The following ADD3 variants were observed in gnomAD, a reference collection of about 807,000 sequenced individuals.
ADD3 encodes the protein adducin 3, also known as gamma-adducin.
ADD3 carries 25 observed loss-of-function variants against 80.2 expected under a neutral mutation model. That is an observed-to-expected ratio of 0.31 (90% CI 0.23 to 0.44). The LOEUF is 0.44. ADD3 is among the 20% of genes least tolerant of loss of function. The pLI is 1.00. For synonymous variants in ADD3, 284 were observed against 289.6 expected (o/e 0.98, Z 0.20); for missense variants, 829 against 847.5 (o/e 0.98, Z 0.27).
chr10:110,056,365 G>A (rs1405733750), intron 1 of ADD3, among the ~76,000 whole-genome samples: 1 of 152,010 alleles, frequency 6.6e-6, no homozygotes, highest in Non-Finnish European at 1.5e-5. Context: ...TTAATTTTAG[G>A]CTTAAACATA....
intron 1 of ADD3, among the ~76,000 whole-genome samples, chr10:110,033,229 A>G (rs763075234): frequency 4.6e-5 from 7 of 152,370 alleles, no homozygotes; most frequent in Middle Eastern, 6.8e-3. Flanking sequence ...ATGGTCTTCA[A>G]CTTCTGACCA....
chr10:110,054,136 G>A lies in ADD3; in HGVS notation c.-30+45837G>A, dbSNP rs535715153. On this transcript the variant is annotated intron_variant, in intron 1 of 14. Coordinates refer to ENST00000356080, the MANE Select transcript of ADD3 (RefSeq NM_016824.5). ...TTAAAAGTATGAACAATAAAGTTTC[G>A]TTTATATATGCTGAGAATGTGTGAA... 1.2e-4 allele frequency among the ~76,000 whole-genome samples: 18 copies of A among 152,234 alleles called. No individual in the cohort carries two copies. The South Asian group carries it at 2.3e-3, about 19-fold the overall frequency.
At chr10:110,048,444 G>C (rs1857140658) in intron 1 of ADD3, among the ~76,000 whole-genome samples, 2 of 152,196 alleles carry the variant, frequency 1.3e-5, no homozygotes, top group Non-Finnish European at 2.9e-5. Flanking sequence ...CTCAGAAGAA[G>C]ACAGGAAAAT....
At chr10:110,081,993 G>A (rs1846110962) in intron 1 of ADD3, among the ~76,000 whole-genome samples, 1 of 152,210 alleles carries the variant, frequency 6.6e-6, no homozygotes. Flanking sequence ...TTAAACGAGA[G>A]AAGGGGAAGT....
At chr10:110,085,123 A>G (rs919858687) in intron 1 of ADD3, among the ~76,000 whole-genome samples, 1 of 152,132 alleles carries the variant, frequency 6.6e-6, no homozygotes, top group Non-Finnish European at 1.5e-5. Context: ...ATATCAATGT[A>G]TACATACATT....
chr10:110,082,237 T>TG (rs1846150715), intron 1 of ADD3, among the ~76,000 whole-genome samples: 2 of 118,176 alleles, frequency 1.7e-5, no homozygotes, highest in South Asian at 3.0e-4. Flanking sequence ...AGTATCACTC[T>TG]AAAAAAAAAC....
chr10:110,086,553 G>A (rs1846781408), intron 1 of ADD3, among the ~76,000 whole-genome samples: 1 of 152,150 alleles, frequency 6.6e-6, no homozygotes, highest in South Asian at 2.1e-4. Flanking sequence ...TAATGGTTTA[G>A]TACCATCCCC....
intron 1 of ADD3, among the ~76,000 whole-genome samples, chr10:110,058,231 T>C (rs1460301192): frequency 3.3e-5 from 5 of 152,162 alleles, no homozygotes; most frequent in African/African-American, 1.2e-4. Flanking sequence ...ACTCTGTCTC[T>C]CCTTTTTTCA....
chr10:110,030,087 G>A (rs1327286095), intron 1 of ADD3, among the ~76,000 whole-genome samples: 1 of 152,112 alleles, frequency 6.6e-6, no homozygotes, highest in East Asian at 1.9e-4. Flanking sequence ...ACTTTGGGAG[G>A]CCGAGGTGGG....
chr10:110,128,626 CCA>C (rs1023865527), intron 12 of ADD3, among the ~76,000 whole-genome samples: 119 of 152,170 alleles, frequency 7.8e-4, no homozygotes, highest in African/African-American at 2.7e-3. Flanking sequence ...ACCGCGTTAG[CCA>C]GGATGGTTTC....
chr10:110,036,210 T>C (rs1023402194), intron 1 of ADD3, among the ~76,000 whole-genome samples: 5 of 152,076 alleles, frequency 3.3e-5, no homozygotes, highest in South Asian at 4.2e-4. Flanking sequence ...TCTTTTCTTA[T>C]TAGCTTTTCC....
intron 1 of ADD3, among the ~76,000 whole-genome samples, chr10:110,028,514 G>A (rs563280806): frequency 5.0e-4 from 76 of 152,234 alleles, no homozygotes; most frequent in African/African-American, 1.8e-3. Flanking sequence ...GCAGTGAGCC[G>A]ACATCATGCC....
At chr10:110,044,339 T>C (rs967151242) in intron 1 of ADD3, among the ~76,000 whole-genome samples, 5 of 152,246 alleles carry the variant, frequency 3.3e-5, no homozygotes, top group Non-Finnish European at 7.3e-5. Flanking sequence ...TCTTCTGGCC[T>C]ATTAGACCAT....
At position 110,008,237 on chromosome 10, in the gene ADD3, T is replaced by G. The variant is rs1564830075; in HGVS notation, c.-92T>G. The G allele has an allele frequency of 6.6e-6, 1 of 152,192 alleles. No homozygotes were observed. The highest frequency in any genetic ancestry group is 6.5e-5 in the Admixed American group (1 of 15,288). The allele number at this position is 152,192 out of a possible 1,614,324, so 9.4% of individuals were successfully genotyped here. ...CCGCAGCGGCGGATCCGGCGGCTGC[T>G]GCAGCCCGGGCGGCTGCCGAGAAGG... On this transcript the variant is annotated 5_prime_UTR_variant, in exon 1 of 15. Transcript: ENST00000356080.
At chr10:110,013,880 G>A (rs1852619462) in intron 1 of ADD3, among the ~76,000 whole-genome samples, 1 of 152,194 alleles carries the variant, frequency 6.6e-6, no homozygotes, top group South Asian at 2.1e-4. Flanking sequence ...AAGCAATCAG[G>A]TTGGAGAAGT....
rs373897451 is a variant in ADD3, at chr10:110,132,334, G to T, written c.1762G>T (p.Ala588Ser). ...TGAGCAGGAATTACTCTCAGATGAC[G>T]CTTCATCTGTTTCACAAATTCAGTC... is the stretch of plus-strand genomic sequence containing the variant. Reference protein sequence around the residue: ...DAEQELLSDDASSVSQIQSQT... With the variant: ...DAEQELLSDDSSSVSQIQSQT... Residue 588 changes from alanine to serine, a missense_variant, in exon 14 of 15, where the codon GCT becomes TCT. By Grantham distance (99) the Ala-to-Ser change is moderately conservative. Coordinates refer to ENST00000356080, the MANE Select transcript of ADD3 (RefSeq NM_016824.5). The T allele has an allele frequency of 5.6e-6, 9 of 1,613,634 alleles. No homozygotes were observed. The South Asian group carries it at 9.9e-5, about 18-fold the overall frequency.
chr10:110,005,368 A>AT (rs1564825181), upstream of ADD3, among the ~76,000 whole-genome samples: 9 of 152,248 alleles, frequency 5.9e-5, no homozygotes, highest in South Asian at 1.7e-3. Context: ...CAATATTGTG[A>AT]TTTTTTATAT....
chr10:110,111,692 G>A (rs1032197601), intron 2 of ADD3, among the ~76,000 whole-genome samples: 7 of 152,146 alleles, frequency 4.6e-5, no homozygotes, highest in African/African-American at 1.7e-4. Context: ...GAGGTGGGCG[G>A]ATCACCTGAG....
intron 1 of ADD3, among the ~76,000 whole-genome samples, chr10:110,093,948 A>G (rs1847853821): frequency 6.6e-6 from 1 of 152,196 alleles, no homozygotes; most frequent in South Asian, 2.1e-4. Context: ...GGTAACTGAA[A>G]CTGCAGTTAA....
Sources: gnomAD v4.1 joint callset for allele counts (sites outside exome capture counted in the v4.1 genomes callset) on GRCh38, gnomAD v4.1.1 for gene constraint, MANE v1.5 for transcripts, NCBI Gene and HGNC (gene_info 2026-07-23, HGNC 2026-07-21) for gene names.